Variants in RERE observed in about 807,000 individuals in gnomAD.
The protein encoded by RERE is arginine-glutamic acid dipeptide repeats.
A neutral mutation model predicts 146.1 loss-of-function variants in RERE; 40 were observed. The ratio of observed to expected loss-of-function variants is 0.27; its 90% CI spans 0.21 to 0.36. The LOEUF is 0.36. Among genes scored for constraint, RERE ranks in the 10% least tolerant of loss-of-function variants. The probability of loss-of-function intolerance (pLI) is 1.00; values close to 1 mark genes in which losing one functional copy is unlikely to be tolerated. For missense variants in RERE, 1,933 were observed against 2,138.7 expected, an observed-to-expected ratio of 0.90 and a Z score of 1.90; for synonymous variants, 1,003 against 866.0, an observed-to-expected ratio of 1.16 and a Z score of -2.78.
rs1247306809 is a variant in RERE at position 8,815,609 on chromosome 1, T to C, written c.-145+1551A>G. Among the ~76,000 whole-genome samples the C allele has an allele frequency of 2.6e-5, 4 of 152,276 alleles. No homozygotes were observed. In the East Asian group the frequency reaches 7.7e-4, roughly 29 times the overall value. Reference sequence around the variant, plus strand: ...AAGTCTCTGAACATGTTTTTGAGTGTCCTTTAGTTTCCAATGCACTCTTCT... The same window carrying C: ...AAGTCTCTGAACATGTTTTTGAGTGCCCTTTAGTTTCCAATGCACTCTTCT... On this transcript the variant is annotated intron_variant, in intron 1 of 22. Coordinates refer to ENST00000400908, the MANE Select transcript of RERE (RefSeq NM_001042681.2).
At chr1:8,680,722 TTA>T (rs1638945733) in intron 1 of RERE, among the ~76,000 whole-genome samples, 1 of 152,124 alleles carries the variant, frequency 6.6e-6, no homozygotes, top group African/African-American at 2.4e-5. Flanking sequence ...TCAGCTAGGA[TTA>T]AAGGAAAAGA....
At chr1:8,762,948 GA>G (rs975987474) in intron 1 of RERE, among the ~76,000 whole-genome samples, 7 of 150,916 alleles carry the variant, frequency 4.6e-5, no homozygotes, top group South Asian at 2.1e-4. Context: ...AGCAAAGGAG[GA>G]AAAAAAAATT....
intron 1 of RERE, among the ~76,000 whole-genome samples, chr1:8,808,345 C>T (rs991415354): frequency 1.3e-5 from 2 of 152,076 alleles, no homozygotes; most frequent in Non-Finnish European, 2.9e-5. Context: ...TCTATTCAAA[C>T]CATCTAGAGT....
Position 8,496,284 on chromosome 1 carries a change from G to A in RERE, c.1004+1121C>T, listed in dbSNP as rs188139664. Among the ~76,000 whole-genome samples the A allele has an allele frequency of 8.6e-5, 13 of 152,034 alleles. No homozygotes were observed. In the East Asian group the frequency reaches 2.5e-3, roughly 29 times the overall value. On this transcript the variant is annotated intron_variant, in intron 9 of 22. Transcript: ENST00000400908. ...ACTAGAAAACAGCCAGGTAACTGGG[G>A]CAACACAGAAAGGACCCCATCTCAA...
intron 1 of RERE, among the ~76,000 whole-genome samples, chr1:8,765,907 G>C (rs1043993867): frequency 6.6e-6 from 1 of 151,974 alleles, no homozygotes; most frequent in African/African-American, 2.4e-5. Flanking sequence ...AGTCAAGATC[G>C]CACCACTGCA....
At chr1:8,447,773 G>A (rs760997285) in intron 11 of RERE, among the ~76,000 whole-genome samples, 12 of 152,262 alleles carry the variant, frequency 7.9e-5, no homozygotes, top group Non-Finnish European at 1.8e-4. Context: ...ACAGAAGAAT[G>A]AGTGTGCGGC....
intron 12 of RERE, chr1:8,380,601 C>A (rs547373521): frequency 5.9e-5 from 20 of 338,778 alleles, no homozygotes; most frequent in African/African-American, 1.7e-4. Context: ...CCTGCCTTGG[C>A]CTCCTAAAGT....
At chr1:8,600,269 T>A (rs1646605778) in intron 4 of RERE, among the ~76,000 whole-genome samples, 1 of 152,230 alleles carries the variant, frequency 6.6e-6, no homozygotes, top group Admixed American at 6.5e-5. Flanking sequence ...AGTCTCCGTA[T>A]GTCTTAATTA....
chr1:8,457,339 C>T (rs991670641), intron 11 of RERE, among the ~76,000 whole-genome samples: 6 of 152,162 alleles, frequency 3.9e-5, no homozygotes, highest in African/African-American at 4.8e-5. Flanking sequence ...CCTGATAGCT[C>T]AGTACTTTGC....
chr1:8,445,321 C>T (rs1286234909), intron 11 of RERE, among the ~76,000 whole-genome samples: 2 of 152,178 alleles, frequency 1.3e-5, no homozygotes, highest in African/African-American at 2.4e-5. Flanking sequence ...AACTGCTGTT[C>T]CACCAAGGTA....
chr1:8,575,813 G>A (rs1646288208), intron 4 of RERE, among the ~76,000 whole-genome samples: 1 of 151,926 alleles, frequency 6.6e-6, no homozygotes, highest in African/African-American at 2.4e-5. Flanking sequence ...ACAAGGAAAA[G>A]ATCCCAAACC....
intron 1 of RERE, among the ~76,000 whole-genome samples, chr1:8,768,945 A>G (rs995325382): frequency 5.9e-5 from 9 of 152,222 alleles, no homozygotes; most frequent in Non-Finnish European, 1.2e-4. Context: ...TCTAGAGGCC[A>G]GAGGTCGGCA....
chr1:8,661,198 T>C (rs1368186772), intron 1 of RERE, among the ~76,000 whole-genome samples: 1 of 151,300 alleles, frequency 6.6e-6, no homozygotes, highest in Non-Finnish European at 1.5e-5. Flanking sequence ...TGAAGGGAGG[T>C]GATTCCTGAA....
At chr1:8,416,598 A>AAAAAAAGAAAAG (rs1419532157) in intron 12 of RERE, among the ~76,000 whole-genome samples, 20 of 147,758 alleles carry the variant, frequency 1.4e-4, no homozygotes, top group African/African-American at 5.0e-4. Context: ...AAAAAAAAAA[A>AAAAAAAGAAAAG]AAAAGAAAAG....
intron 1 of RERE, among the ~76,000 whole-genome samples, chr1:8,761,870 C>T (rs1207562822): frequency 6.6e-6 from 1 of 151,988 alleles, no homozygotes. Flanking sequence ...TGCAGTGAGC[C>T]AAGATCACGC....
chr1:8,479,174 C>T (rs1644799271), intron 10 of RERE, among the ~76,000 whole-genome samples: 1 of 151,828 alleles, frequency 6.6e-6, no homozygotes, highest in Non-Finnish European at 1.5e-5. Context: ...TTCTTGAGGC[C>T]AAGAGTTTGA....
intron 7 of RERE, chr1:8,513,062 C>T (rs139221213): frequency 3.3e-5 from 5 of 152,328 alleles, no homozygotes; most frequent in Admixed American, 2.6e-4. Context: ...TTAGGAGCCC[C>T]TCTCAAAGTT....
At chr1:8,407,740 G>A (rs1160988419) in intron 12 of RERE, among the ~76,000 whole-genome samples, 2 of 152,138 alleles carry the variant, frequency 1.3e-5, no homozygotes, top group East Asian at 3.9e-4. Context: ...TAATGGCAAG[G>A]GCGAAAGAGC....
chr1:8,616,366 ATTTTTTTTTAGT>A (rs1646852997), intron 3 of RERE, among the ~76,000 whole-genome samples: 3 of 151,478 alleles, frequency 2.0e-5, no homozygotes, highest in African/African-American at 7.3e-5. Flanking sequence ...TGTTTCCCTA[ATTTTTTTTTAGT>A]ACTTCTAACA....
Sources: gnomAD v4.1 joint callset for allele counts (sites outside exome capture counted in the v4.1 genomes callset) on GRCh38, gnomAD v4.1.1 for gene constraint, MANE v1.5 for transcripts, NCBI Gene and HGNC (gene_info 2026-07-23, HGNC 2026-07-21) for gene names.